PSMB2: variants seen among roughly 807,000 people sequenced by gnomAD.
PSMB2 encodes the protein proteasome 20S subunit beta 2, also known as proteasome subunit beta type-2.
Under a neutral mutation model 25.7 loss-of-function variants are expected in PSMB2, and 13 were observed. The observed-to-expected ratio is 0.51, with a 90% confidence interval of 0.33 to 0.80. The LOEUF (loss-of-function observed/expected upper bound fraction) is 0.80. Among genes scored for constraint, PSMB2 ranks in the 30% least tolerant of loss-of-function variants. The pLI is 0.02. For missense variants in PSMB2, 202 were observed against 259.0 expected, an observed-to-expected ratio of 0.78 and a Z score of 1.51; for synonymous variants, 87 against 96.2, an observed-to-expected ratio of 0.90 and a Z score of 0.56.
intron 3 of PSMB2, among the ~76,000 whole-genome samples, chr1:35,623,206 G>A (rs1650746566): frequency 6.6e-6 from 1 of 152,210 alleles, no homozygotes; most frequent in South Asian, 2.1e-4. Flanking sequence ...TGGGACCTGG[G>A]ATACACATAT....
chr1:35,615,355 T>C (rs1650462463), intron 3 of PSMB2, among the ~76,000 whole-genome samples: 1 of 152,292 alleles, frequency 6.6e-6, no homozygotes, highest in South Asian at 2.1e-4. Context: ...TGGACTCTTC[T>C]ACATTTGGGG....
chr1:35,612,514 C>T (rs749788775), intron 3 of PSMB2, among the ~76,000 whole-genome samples: 8 of 152,162 alleles, frequency 5.3e-5, no homozygotes, highest in Non-Finnish European at 1.0e-4. Context: ...TTTAAAAATG[C>T]TATTAGTTAT....
chr1:35,602,054 C>T lies in PSMB2; in HGVS notation c.*1213G>A, dbSNP rs112341642. ...GCAGAACTTAAAAATACTTTTTAGC[C>T]GGGCACGGTGGCTCACGCCTGTAAT... On this transcript the variant is annotated 3_prime_UTR_variant, in exon 6 of 6. Transcript: ENST00000373237. The T allele has an allele frequency of 7.4e-3, 4,592 of 618,508 alleles. 130 individuals are homozygous for T. Among genetic ancestry groups the T allele is most frequent in the East Asian group, 0.063 (444 of 7,092 alleles). The allele number at this position is 618,508 out of a possible 1,614,324, so 38.3% of individuals were successfully genotyped here.
At chr1:35,632,018 T>TA (rs1386529533) in intron 2 of PSMB2, among the ~76,000 whole-genome samples, 2 of 151,776 alleles carry the variant, frequency 1.3e-5, no homozygotes, top group East Asian at 1.9e-4. Context: ...ACCCTGTCTC[T>TA]AAAAAAACGA....
chr1:35,619,679 T>TA (rs760786577), intron 3 of PSMB2, among the ~76,000 whole-genome samples: 4 of 152,268 alleles, frequency 2.6e-5, no homozygotes, highest in Non-Finnish European at 5.9e-5. Flanking sequence ...AAAGTTACTA[T>TA]AAATTTTACT....
intron 2 of PSMB2, among the ~76,000 whole-genome samples, chr1:35,634,898 C>T (rs549515148): frequency 6.6e-6 from 1 of 152,206 alleles, no homozygotes; most frequent in South Asian, 2.1e-4. Context: ...AACGATCTTC[C>T]TGCCTCAGCC....
intron 3 of PSMB2, among the ~76,000 whole-genome samples, chr1:35,624,493 C>G (rs1037030208): frequency 1.4e-5 from 2 of 146,400 alleles, no homozygotes; most frequent in African/African-American, 5.0e-5. Flanking sequence ...TGGCTCATGC[C>G]TGTAATCCCA....
intron 4 of PSMB2, among the ~76,000 whole-genome samples, chr1:35,608,136 G>A (rs1379435945): frequency 3.9e-5 from 6 of 152,088 alleles, no homozygotes; most frequent in African/African-American, 1.4e-4. Flanking sequence ...AGGGCAAGGC[G>A]GGTGGATCAC....
chr1:35,636,479 G>T (rs373974443), intron 1 of PSMB2, 47 bp from the exon 2 acceptor site: 11 of 1,592,256 alleles, frequency 6.9e-6, no homozygotes, highest in Non-Finnish European at 9.4e-6. Context: ...AACAGACATT[G>T]ACCGTCATTA....
chr1:35,628,578 G>GGAAAAAAAAAAA (rs1650949007), intron 3 of PSMB2, among the ~76,000 whole-genome samples: 1 of 32,942 alleles, frequency 3.0e-5, no homozygotes, highest in African/African-American at 1.1e-4. Context: ...TTTCTTGGAA[G>GGAAAAAAAAAAA]AAAAAAAAAA....
intron 3 of PSMB2, among the ~76,000 whole-genome samples, chr1:35,612,189 C>T (rs967816122): frequency 5.9e-5 from 9 of 152,082 alleles, no homozygotes; most frequent in Non-Finnish European, 7.4e-5. Context: ...CAATGAGTAG[C>T]GTGCGGCACT....
chr1:35,636,903 G>A (rs1449596237), intron 1 of PSMB2, among the ~76,000 whole-genome samples: 1 of 152,156 alleles, frequency 6.6e-6, no homozygotes, highest in Admixed American at 6.5e-5. Flanking sequence ...ATTGCTTTTA[G>A]AAGATTTTAA....
At chr1:35,627,030 G>T (rs74769649) in intron 3 of PSMB2, among the ~76,000 whole-genome samples, 3,557 of 152,160 alleles carry the variant, frequency 0.023, 57 homozygotes, top group Non-Finnish European at 0.034. Context: ...CATGTGGCTA[G>T]TTGGCTACCA....
At position 35,602,413 on chromosome 1, in the gene PSMB2, T is replaced by TA. The variant is rs1650028907; in HGVS notation, c.*853dup. On this transcript the variant is annotated 3_prime_UTR_variant, in exon 6 of 6. Transcript: ENST00000373237. Reference sequence around the variant, plus strand: ...CTTTACACAGTAACAGAATATCTCTTAAAAAACATAAGAAATTAGTAGCTG... The same window carrying TA: ...CTTTACACAGTAACAGAATATCTCTTAAAAAAACATAAGAAATTAGTAGCTG... The TA allele has an allele frequency of 6.6e-6, 1 of 152,238 alleles. No individual in the cohort carries two copies. The highest frequency in any genetic ancestry group is 2.1e-4 in the South Asian group (1 of 4,836). 9.4% of individuals were successfully genotyped at this position (152,238 alleles called of 1,614,324 possible).
At position 35,603,156 on chromosome 1, in the gene PSMB2, A is replaced by T; in HGVS notation, c.*111T>A. ...AGAGGGCTCAATTATATCCATAGTC[A>T]CCTTTATTCTGAATTAACCATTTAT... On this transcript the variant is annotated 3_prime_UTR_variant, in exon 6 of 6. Transcript: ENST00000373237. The T allele has an allele frequency of 6.8e-7, 1 of 1,470,994 alleles. No homozygotes were observed. Among genetic ancestry groups the T allele is most frequent in the Non-Finnish European group, 9.0e-7 (1 of 1,113,324 alleles). 91.1% of individuals were successfully genotyped at this position (1,470,994 alleles called of 1,614,324 possible).
At chr1:35,609,025 T>C (rs1268364404) in intron 4 of PSMB2, among the ~76,000 whole-genome samples, 2 of 152,258 alleles carry the variant, frequency 1.3e-5, no homozygotes, top group Non-Finnish European at 2.9e-5. Context: ...TAGAGATATG[T>C]ACTATCTCAT....
intron 3 of PSMB2, among the ~76,000 whole-genome samples, chr1:35,625,331 T>C (rs904949255): frequency 3.3e-5 from 5 of 152,216 alleles, no homozygotes; most frequent in African/African-American, 7.2e-5. Flanking sequence ...AGCATCCTAC[T>C]CTAAGCCTTG....
intron 3 of PSMB2, among the ~76,000 whole-genome samples, chr1:35,627,253 T>A: frequency 1.0e-5 from 1 of 98,604 alleles, no homozygotes; most frequent in Non-Finnish European, 1.8e-5. Context: ...AGCGAGACCC[T>A]ATCTCAAAAA....
intron 5 of PSMB2, among the ~76,000 whole-genome samples, chr1:35,604,027 TAAAA>T (rs113950978): frequency 1.2e-5 from 1 of 80,576 alleles, no homozygotes; most frequent in East Asian, 3.8e-4. Context: ...ATCCATCTCT[TAAAA>T]AAAAAAAAAA....
Sources: gnomAD v4.1 joint callset for allele counts (sites outside exome capture counted in the v4.1 genomes callset) on GRCh38, gnomAD v4.1.1 for gene constraint, MANE v1.5 for transcripts, NCBI Gene and HGNC (gene_info 2026-07-23, HGNC 2026-07-21) for gene names.